Variants in KCNQ1 observed in about 807,000 individuals in gnomAD.
KCNQ1 encodes potassium voltage-gated channel subfamily Q member 1.
KCNQ1 carries 49 observed loss-of-function variants against 72.4 expected under a neutral mutation model. The ratio of observed to expected loss-of-function variants is 0.68; its 90% CI spans 0.54 to 0.86. The LOEUF is 0.86. KCNQ1 is among the 40% of genes least tolerant of loss of function. The pLI, the probability that KCNQ1 is intolerant of heterozygous loss-of-function variation, is 0.00. For missense variants in KCNQ1, 790 were observed against 945.1 expected, an observed-to-expected ratio of 0.84 and a Z score of 2.15; for synonymous variants, 450 against 412.6, an observed-to-expected ratio of 1.09 and a Z score of -1.10.
intron 11 of KCNQ1, among the ~76,000 whole-genome samples, chr11:2,749,651 A>AT (rs1846194559): frequency 7.8e-6 from 1 of 128,934 alleles, no homozygotes; most frequent in Non-Finnish European, 1.7e-5. Flanking sequence ...CAAAAAAAAA[A>AT]AAAAAAAAAA....
intron 11 of KCNQ1, among the ~76,000 whole-genome samples, chr11:2,700,211 G>T (rs949911794): frequency 6.6e-6 from 1 of 152,160 alleles, no homozygotes; most frequent in Non-Finnish European, 1.5e-5. Flanking sequence ...GTCCAGCGCC[G>T]CATGAGGCAC....
intron 11 of KCNQ1, among the ~76,000 whole-genome samples, chr11:2,733,391 C>G (rs1845885496): frequency 6.6e-6 from 1 of 152,188 alleles, no homozygotes; most frequent in Non-Finnish European, 1.5e-5. Flanking sequence ...AACCCTCAGT[C>G]TCCTTTGCTC....
In KCNQ1 at chr11:2,683,552, C is replaced by T. The variant is rs974455760; in HGVS notation, c.1514+21471C>T. Reference sequence around the variant, plus strand: ...CATTTCTAAAAAAGAGGTAGAAGCCCCTACCTACTGACTGGCATCACAAAC... The same window carrying T: ...CATTTCTAAAAAAGAGGTAGAAGCCTCTACCTACTGACTGGCATCACAAAC... On this transcript the variant is annotated intron_variant, in intron 11 of 15. Transcript: ENST00000155840. The surrounding 1 kb of genome is among the most constrained non-coding windows in gnomAD (Gnocchi z 4.7). 2 of 398,486 alleles carry T rather than the reference C, an allele frequency of 5.0e-6. No homozygotes were observed. Among genetic ancestry groups the T allele is most frequent in the Non-Finnish European group, 8.8e-6 (2 of 226,078 alleles). 24.7% of individuals were successfully genotyped at this position (398,486 alleles called of 1,614,324 possible). A position where few individuals can be genotyped will look rare whatever the true frequency, so the allele number is the denominator to read the frequency against.
rs1212590040 is a variant in KCNQ1, at chr11:2,653,156, C to A, written c.1394-8805C>A. 15 of 398,722 alleles carry A rather than the reference C, an allele frequency of 3.8e-5. No individual in the cohort carries two copies. The East Asian group carries it at 5.0e-4, about 13-fold the overall frequency. 24.7% of individuals were successfully genotyped at this position (398,722 alleles called of 1,614,324 possible). A position where few individuals can be genotyped will look rare whatever the true frequency, so the allele number is the denominator to read the frequency against. ...ATCACAGCAGTAGAAAGCCAATGTC[C>A]CACCTTAGGAAATCCCTTTCCAAGA... On this transcript the variant is annotated intron_variant, in intron 10 of 15. Coordinates refer to ENST00000155840, the MANE Select transcript of KCNQ1 (RefSeq NM_000218.3). The surrounding 1 kb of genome is among the most constrained non-coding windows in gnomAD (Gnocchi z 5.3).
At position 2,674,153 on chromosome 11, in the gene KCNQ1, G is replaced by A. The variant is rs1213382405; in HGVS notation, c.1514+12072G>A. 5.0e-6 allele frequency: 2 copies of A among 398,616 alleles called. No individual in the cohort carries two copies. Among genetic ancestry groups the A allele is most frequent in the African/African-American group, 2.1e-5 (1 of 48,626 alleles). The allele number at this position is 398,616 out of a possible 1,614,324, so 24.7% of individuals were successfully genotyped here. ...GGCCACCCAGTGTGGGCTCAGGAAGGGAAGGAATGTGACCAAGGCTGGGTG... is the reference window on the plus strand; with the variant it reads ...GGCCACCCAGTGTGGGCTCAGGAAGAGAAGGAATGTGACCAAGGCTGGGTG... On this transcript the variant is annotated intron_variant, in intron 11 of 15. Coordinates refer to ENST00000155840, the MANE Select transcript of KCNQ1 (RefSeq NM_000218.3). This position sits in a 1 kb window ranked among gnomAD's most constrained non-coding sequence, Gnocchi z 5.9.
In KCNQ1 at chr11:2,715,955, C is replaced by T. The variant is rs1245369491; in HGVS notation, c.1515-52889C>T. Among the ~76,000 whole-genome samples the T allele has an allele frequency of 1.3e-5, 2 of 151,872 alleles. No individual in the cohort carries two copies. The highest frequency in any genetic ancestry group is 6.5e-5 in the Admixed American group (1 of 15,280). On this transcript the variant is annotated intron_variant, in intron 11 of 15. Transcript: ENST00000155840. This position sits in a 1 kb window ranked among gnomAD's most constrained non-coding sequence, Gnocchi z 4.9. Reference sequence around the variant, plus strand: ...ATGCAAACCATAAACCTGTCCCCCACGTCACCTCCAAACCCTTTGGGCTGG... The same window carrying T: ...ATGCAAACCATAAACCTGTCCCCCATGTCACCTCCAAACCCTTTGGGCTGG...
Position 2,826,490 on chromosome 11 carries a change from G to A in KCNQ1, c.1795-21277G>A, listed in dbSNP as rs1227320006. ...CGGAAACTCAGGCAGACCCGGCGTT[G>A]GGTGCGCCAGGCCGGTGTGGGAGCA... On this transcript the variant is annotated intron_variant, in intron 15 of 15. Transcript: ENST00000155840. This position sits in a 1 kb window ranked among gnomAD's most constrained non-coding sequence, Gnocchi z 4.2. 1.3e-5 allele frequency among the ~76,000 whole-genome samples: 2 copies of A among 152,234 alleles called. No homozygotes were observed. The highest frequency in any genetic ancestry group is 4.8e-5 in the African/African-American group (2 of 41,464).
intron 11 of KCNQ1, among the ~76,000 whole-genome samples, chr11:2,761,268 TCGG>T (rs1846389819): frequency 9.0e-6 from 1 of 110,798 alleles, no homozygotes; most frequent in African/African-American, 3.2e-5. Flanking sequence ...TGCCGGCCTG[TCGG>T]TGCCTGTTGG....
At chr11:2,571,858 C>T (rs974038574) in intron 4 of KCNQ1, among the ~76,000 whole-genome samples, 155 bp from the exon 5 acceptor site, 5 of 152,116 alleles carry the variant, frequency 3.3e-5, no homozygotes, top group African/African-American at 9.7e-5. Context: ...TTCCCAGGCC[C>T]CTGTCGGGAT....
intron 11 of KCNQ1, among the ~76,000 whole-genome samples, chr11:2,758,969 T>C (rs1846345513): frequency 6.6e-6 from 1 of 152,182 alleles, no homozygotes; most frequent in African/African-American, 2.4e-5. Context: ...CTCGTTGCTG[T>C]GTGAATCTGC....
At position 2,491,404 on chromosome 11, in the gene KCNQ1, GAATC is replaced by G. The variant is rs369751111; in HGVS notation, c.387-36521_387-36518del. Among the ~76,000 whole-genome samples the G allele has an allele frequency of 3.3e-5, 5 of 152,144 alleles. No individual in the cohort carries two copies. Among genetic ancestry groups the G allele is most frequent in the East Asian group, 3.9e-4 (2 of 5,194 alleles). On this transcript the variant is annotated intron_variant, in intron 1 of 15. Coordinates refer to ENST00000155840, the MANE Select transcript of KCNQ1 (RefSeq NM_000218.3). This position sits in a 1 kb window ranked among gnomAD's most constrained non-coding sequence, Gnocchi z 4.1. ...AAATTTAATAAAGAGATTAAAATAA[GAATC>G]AAGCAGAAATTCTGGAGTTGAAAAA...
At chr11:2,455,310 G>A (rs1846173212) in intron 1 of KCNQ1, among the ~76,000 whole-genome samples, 1 of 151,522 alleles carries the variant, frequency 6.6e-6, no homozygotes, top group Non-Finnish European at 1.5e-5. Flanking sequence ...GTGTTAGCCA[G>A]GATGGTCTTG....
At chr11:2,640,125 A>C (rs1171174870) in intron 10 of KCNQ1, 2 of 323,718 alleles carry the variant, frequency 6.2e-6, no homozygotes, top group Non-Finnish European at 1.1e-5. Context: ...GTTGGCTAGG[A>C]AAGGGAATTC....
At position 2,498,792 on chromosome 11, in the gene KCNQ1, G is replaced by A. The variant is rs1846961434; in HGVS notation, c.387-29136G>A. On this transcript the variant is annotated intron_variant, in intron 1 of 15. Transcript: ENST00000155840. This position sits in a 1 kb window ranked among gnomAD's most constrained non-coding sequence, Gnocchi z 4.8. ...CAAACAGCAACTCAGTTTTGTGCTT[G>A]AAACCCAGGGCCCTGGTGGTATAGG... is the stretch of plus-strand genomic sequence containing the variant. 6.6e-6 allele frequency among the ~76,000 whole-genome samples: 1 copy of A among 152,212 alleles called. No homozygotes were observed. The highest frequency in any genetic ancestry group is 2.1e-4 in the South Asian group (1 of 4,830).
In KCNQ1 at chr11:2,802,568, C is replaced by A. The variant is rs1222223588; in HGVS notation, c.1794+24531C>A. ...GACCGTGGCTCTGGCAGCCACCCTG[C>A]CTCTCAGGAGCCAGCCTAGTGCCTC... On this transcript the variant is annotated intron_variant, in intron 15 of 15. Coordinates refer to ENST00000155840, the MANE Select transcript of KCNQ1 (RefSeq NM_000218.3). 7.9e-5 allele frequency among the ~76,000 whole-genome samples: 12 copies of A among 152,310 alleles called. No homozygotes were observed. The East Asian group carries it at 2.3e-3, about 29-fold the overall frequency.
At chr11:2,604,534 G>T (rs190250881) in intron 10 of KCNQ1, among the ~76,000 whole-genome samples, 1 of 151,820 alleles carries the variant, frequency 6.6e-6, no homozygotes, top group Non-Finnish European at 1.5e-5. Flanking sequence ...GGAGTGGAAA[G>T]CTGAGTCAAA....
In KCNQ1 at chr11:2,608,519, A is replaced by G; in HGVS notation, c.1393+19665A>G. The G allele has an allele frequency of 2.5e-6, 1 of 398,488 alleles. No individual in the cohort carries two copies. Among genetic ancestry groups the G allele is most frequent in the Non-Finnish European group, 4.4e-6 (1 of 226,062 alleles). 24.7% of individuals were successfully genotyped at this position (398,488 alleles called of 1,614,324 possible). The stretch of plus-strand genomic sequence containing the variant: ...GAAACAGAGTCTCTCTCTGTTGCCC[A>G]GGCTGGAATAGAGTGGTGTAATCAT... On this transcript the variant is annotated intron_variant, in intron 10 of 15. Coordinates refer to ENST00000155840, the MANE Select transcript of KCNQ1 (RefSeq NM_000218.3). This position sits in a 1 kb window ranked among gnomAD's most constrained non-coding sequence, Gnocchi z 4.6.
intron 11 of KCNQ1, among the ~76,000 whole-genome samples, chr11:2,738,409 C>T (rs760871976): frequency 3.9e-5 from 6 of 152,172 alleles, no homozygotes; most frequent in Non-Finnish European, 8.8e-5. Flanking sequence ...CCAGGCTAAG[C>T]GCCATGTGAG....
intron 15 of KCNQ1, among the ~76,000 whole-genome samples, chr11:2,845,944 G>A (rs1848316886): frequency 1.3e-5 from 2 of 152,176 alleles, no homozygotes; most frequent in South Asian, 4.1e-4. Flanking sequence ...GACGACCACA[G>A]CACCCAGCCT....
Sources: gnomAD v4.1 joint callset for allele counts (sites outside exome capture counted in the v4.1 genomes callset) on GRCh38, gnomAD v4.1.1 for gene constraint, Gnocchi (gnomAD v3.1) non-coding constraint, MANE v1.5 for transcripts, NCBI Gene and HGNC (gene_info 2026-07-23, HGNC 2026-07-21) for gene names.